The following SACM1L variants were observed in gnomAD, a reference collection of about 807,000 sequenced individuals.
The protein encoded by SACM1L is phosphatidylinositol-3-phosphatase SAC1.
SACM1L carries 32 observed loss-of-function variants against 89.5 expected under a neutral mutation model. The observed-to-expected ratio is 0.36, with a 90% CI of 0.27 to 0.48. SACM1L has a LOEUF of 0.48. Among genes scored for constraint, SACM1L ranks in the 20% least tolerant of loss-of-function variants. SACM1L has a pLI of 0.99. For missense variants in SACM1L, 543 were observed against 708.5 expected (o/e 0.77, Z 2.65); for synonymous variants, 213 against 232.8 (o/e 0.92, Z 0.77).
At chr3:45,701,719 A>G (rs1435896365) in intron 1 of SACM1L, among the ~76,000 whole-genome samples, 4 of 152,208 alleles carry the variant, frequency 2.6e-5, no homozygotes, top group South Asian at 4.1e-4. Context: ...GTATTACAAT[A>G]TTGAACGTAT....
chr3:45,709,168 C>A (rs1008371651), intron 4 of SACM1L, among the ~76,000 whole-genome samples: 11 of 152,176 alleles, frequency 7.2e-5, no homozygotes, highest in African/African-American at 1.2e-4. Context: ...TTGGAAAATA[C>A]CTGGCACACA....
intron 3 of SACM1L, 97 bp from the exon 4 acceptor site, chr3:45,706,683 A>G: frequency 9.6e-7 from 1 of 1,039,478 alleles, no homozygotes; most frequent in Non-Finnish European, 1.4e-6. Flanking sequence ...ATATAGTCTC[A>G]TTCTACTAGC....
chr3:45,706,675 A>G (rs1271985929), intron 3 of SACM1L, 105 bp from the exon 4 acceptor site: 25 of 920,930 alleles, frequency 2.7e-5, no homozygotes, highest in Admixed American at 8.1e-5. Flanking sequence ...GTGGCACAAT[A>G]TAGTCTCATT....
chr3:45,741,762 T>TGGC (rs1699321721), intron 19 of SACM1L, among the ~76,000 whole-genome samples: 1 of 152,222 alleles, frequency 6.6e-6, no homozygotes, highest in Non-Finnish European at 1.5e-5. Context: ...GTAGTAAATA[T>TGGC]TTTTGTCTTT....
intron 19 of SACM1L, 45 bp from the exon 20 acceptor site, chr3:45,743,488 A>C (rs200441119): frequency 6.4e-6 from 10 of 1,570,144 alleles, no homozygotes; most frequent in Middle Eastern, 1.8e-4. Context: ...TGGGTCTGAT[A>C]TCAACAAACG....
At chr3:45,725,616 TTCTATATATAAGATCGTG>T (rs1698900285) in intron 11 of SACM1L, among the ~76,000 whole-genome samples, 4 of 152,070 alleles carry the variant, frequency 2.6e-5, no homozygotes. Context: ...TTTTAGGGTT[TTCTATATATAAGATCGTG>T]TCACCTGTGA....
chr3:45,735,282 G>A lies in SACM1L; in HGVS notation c.1148G>A (p.Gly383Asp), dbSNP rs1196479905. Reference protein sequence around the residue: ...SAGQVVANQEGVFRSNCMDCL... With the variant: ...SAGQVVANQEDVFRSNCMDCL... ...GGCCAGGTGGTGGCAAACCAGGAAG[G>A]CGTGTTCCGAAGCAATTGCATGGAT... The change falls in exon 14 of 20, where the codon GGC becomes GAC. Residue 383 changes from glycine to aspartate, a missense_variant. By Grantham distance (94) the Gly-to-Asp change is moderately conservative. Transcript: ENST00000389061. 2 of 1,613,166 alleles carry A rather than the reference G, an allele frequency of 1.2e-6. No homozygotes were observed. The highest frequency in any genetic ancestry group is 1.7e-6 in the Non-Finnish European group (2 of 1,179,826).
chr3:45,689,762 C>T (rs1371588168), intron 1 of SACM1L: 1 of 582,656 alleles, frequency 1.7e-6, no homozygotes, highest in Non-Finnish European at 3.1e-6. Flanking sequence ...TGGCCCCCAC[C>T]GAGCCGGGGT....
chr3:45,742,601 C>G (rs1699339393), intron 19 of SACM1L: 1 of 152,222 alleles, frequency 6.6e-6, no homozygotes, highest in African/African-American at 2.4e-5. Flanking sequence ...TGCTGCTAAC[C>G]TTTATGAACT....
intron 7 of SACM1L, among the ~76,000 whole-genome samples, 158 bp downstream of exon 7, chr3:45,714,237 G>GTT (rs1435536599): frequency 5.4e-5 from 1 of 18,592 alleles, no homozygotes; most frequent in African/African-American, 1.5e-4. Context: ...TTGCTATTTT[G>GTT]TTTGTTTTTT....
At position 45,713,163 on chromosome 3, in the gene SACM1L, T is replaced by C; in HGVS notation, c.510T>C (p.Gly170=). The part of the protein sequence containing the change: ...ERADQRFVWN[G]HLLRELSAQP... ...CAGATCAGCGGTTTGTATGGAATGGTCATCTTCTAAGAGAACTTTCTGCAC... is the reference window on the plus strand; with the variant it reads ...CAGATCAGCGGTTTGTATGGAATGGCCATCTTCTAAGAGAACTTTCTGCAC... The change falls in exon 6 of 20, where the codon GGT becomes GGC. Residue 170 remains glycine (G), a synonymous_variant. Transcript: ENST00000389061. The C allele has an allele frequency of 6.2e-7, 1 of 1,612,850 alleles. No homozygotes were observed. The highest frequency in any genetic ancestry group is 8.5e-7 in the Non-Finnish European group (1 of 1,179,608).
At position 45,717,125 on chromosome 3, in the gene SACM1L, C is replaced by T. The variant is rs931259249; in HGVS notation, c.578-2375C>T. 2.0e-5 allele frequency among the ~76,000 whole-genome samples: 3 copies of T among 152,146 alleles called. No individual in the cohort carries two copies. The East Asian group carries it at 5.8e-4, about 29-fold the overall frequency. On this transcript the variant is annotated intron_variant, in intron 7 of 19. Transcript: ENST00000389061. The stretch of plus-strand genomic sequence containing the variant: ...AAGTGAATTGGGAGCTCAAGAGGAG[C>T]CCTTATCAAGTCTGATGATACCAGG...
At chr3:45,698,708 G>A (rs1698188338) in intron 1 of SACM1L, among the ~76,000 whole-genome samples, 1 of 151,860 alleles carries the variant, frequency 6.6e-6, no homozygotes, top group African/African-American at 2.4e-5. Context: ...CTGCCACCAT[G>A]CCTGGCTAAT....
At chr3:45,727,335 A>C (rs1698944727) in intron 11 of SACM1L, among the ~76,000 whole-genome samples, 1 of 151,870 alleles carries the variant, frequency 6.6e-6, no homozygotes, top group Admixed American at 6.6e-5. Flanking sequence ...TTTTCCTTCT[A>C]TTCTTGATTT....
At chr3:45,720,767 G>A (rs1261385503) in intron 8 of SACM1L, among the ~76,000 whole-genome samples, 1 of 152,164 alleles carries the variant, frequency 6.6e-6, no homozygotes, top group East Asian at 1.9e-4. Flanking sequence ...AAAGTATTGA[G>A]GAGTCATGTC....
In SACM1L at chr3:45,740,181, A is replaced by G. The variant is rs540355525; in HGVS notation, c.1627+537A>G. Among the ~76,000 whole-genome samples the G allele has an allele frequency of 7.2e-5, 11 of 152,322 alleles. No individual in the cohort carries two copies. In the East Asian group the frequency reaches 2.1e-3, roughly 29 times the overall value. ...AAAGGACGGGGTAGAGGAACAGTCA[A>G]TTATGCATTCATCTCCTGCTCAGTA... On this transcript the variant is annotated intron_variant, in intron 19 of 19. Coordinates refer to ENST00000389061, the MANE Select transcript of SACM1L (RefSeq NM_014016.5).
chr3:45,709,522 G>A lies in SACM1L; in HGVS notation c.358G>A (p.Ala120Thr), dbSNP rs761361179. Residue 120 changes from alanine (A) to threonine (T), a missense_variant, in exon 5 of 20, where the codon GCG becomes ACG. Ala to Thr is a moderately conservative substitution (Grantham distance 58, BLOSUM62 0). Coordinates refer to ENST00000389061, the MANE Select transcript of SACM1L (RefSeq NM_014016.5). The stretch of plus-strand genomic sequence containing the variant: ...GTTACAAGATAATAAAACCTTCCTA[G>A]CGATGCTAAACCATGTCTTGAATGT... ...IQLQDNKTFL[A>T]MLNHVLNVDG... 13 of 1,611,524 alleles carry A rather than the reference G, an allele frequency of 8.1e-6. No individual in the cohort carries two copies. Among genetic ancestry groups the A allele is most frequent in the South Asian group, 1.1e-5 (1 of 90,514 alleles).
In SACM1L at chr3:45,745,344, G is replaced by A. The variant is rs1346647335; in HGVS notation, c.*1675G>A. On this transcript the variant is annotated 3_prime_UTR_variant, in exon 20 of 20. Transcript: ENST00000389061. ...TATCAGTATTTCAGAATCCTGCGAC[G>A]ATTTTATTTCTAAATTCATGTACTG... 1 of 152,556 alleles carries A rather than the reference G, an allele frequency of 6.6e-6. No individual in the cohort carries two copies. Among genetic ancestry groups the A allele is most frequent in the African/African-American group, 2.4e-5 (1 of 41,416 alleles). 9.5% of individuals were successfully genotyped at this position (152,556 alleles called of 1,614,324 possible). A position where few individuals can be genotyped will look rare whatever the true frequency, so the allele number is the denominator to read the frequency against.
intron 14 of SACM1L, among the ~76,000 whole-genome samples, chr3:45,736,607 C>T (rs898146401): frequency 2.6e-5 from 4 of 152,110 alleles, no homozygotes; most frequent in African/African-American, 9.7e-5. Flanking sequence ...TGTGCTATGT[C>T]CTCGTCTGTT....
Sources: allele counts gnomAD v4.1 joint callset (sites outside exome capture counted in the v4.1 genomes callset), GRCh38; gene constraint gnomAD v4.1.1; transcripts MANE v1.5; gene names NCBI Gene and HGNC (gene_info 2026-07-23, HGNC 2026-07-21).